MACF1: variants seen among roughly 807,000 people sequenced by gnomAD.
MACF1 encodes the protein microtubule-actin cross-linking factor 1.
Under a neutral mutation model 854.8 loss-of-function variants are expected in MACF1, and 193 were observed. That is an observed-to-expected ratio of 0.23 (90% CI 0.20 to 0.25). The LOEUF (loss-of-function observed/expected upper bound fraction) is 0.25. Among genes scored for constraint, MACF1 ranks in the 10% least tolerant of loss-of-function variants. MACF1 has a pLI of 1.00. For missense variants in MACF1, 7,722 were observed against 8,929.1 expected, an observed-to-expected ratio of 0.86 and a Z score of 5.45; for synonymous variants, 3,185 against 3,226.7, an observed-to-expected ratio of 0.99 and a Z score of 0.44.
At chr1:39,445,347 G>C (rs1285286578) in intron 80 of MACF1, among the ~76,000 whole-genome samples, 2 of 152,130 alleles carry the variant, frequency 1.3e-5, no homozygotes, top group Non-Finnish European at 2.9e-5. Context: ...CAAGGTGTTT[G>C]CCCAAAAAGA....
intron 71 of MACF1, 71 bp from the exon 72 acceptor site, chr1:39,439,203 G>A: frequency 1.3e-6 from 1 of 797,834 alleles, no homozygotes; most frequent in African/African-American, 1.7e-5. Context: ...GAGTTACATG[G>A]AATTTCTGAA....
intron 2 of MACF1, among the ~76,000 whole-genome samples, chr1:39,118,514 A>G (rs146808763): frequency 6.6e-6 from 1 of 152,382 alleles, no homozygotes; most frequent in African/African-American, 2.4e-5. Flanking sequence ...AGAATGAGGA[A>G]CTGCCAAAGG....
In MACF1 at chr1:39,333,023, G is replaced by A. The variant is rs747252257; in HGVS notation, c.6435G>A (p.Val2145=). ...CTGAGGCGGAAGGTGTGCCGTTGGTGGTTGACAAAGATGTTTTTTCTGTTG... is the reference window on the plus strand; with the variant it reads ...CTGAGGCGGAAGGTGTGCCGTTGGTAGTTGACAAAGATGTTTTTTCTGTTG... ...PPAEAEGVPL[V]VDKDVFSVET... Residue 2145 remains valine, a synonymous_variant, in exon 37 of 101, where the codon GTG becomes GTA. Transcript: ENST00000564288. 1.2e-6 allele frequency: 2 copies of A among 1,614,036 alleles called. No individual in the cohort carries two copies. Among genetic ancestry groups the A allele is most frequent in the Non-Finnish European group, 1.7e-6 (2 of 1,180,018 alleles).
intron 2 of MACF1, among the ~76,000 whole-genome samples, chr1:39,155,343 GT>G (rs1357974411): frequency 2.0e-5 from 3 of 152,200 alleles, no homozygotes; most frequent in African/African-American, 7.2e-5. Flanking sequence ...AGTTCAAGTG[GT>G]TAAGTCAGTT....
rs779245328 is a variant in MACF1, at chr1:39,317,331, GATTTGGAGCGCT to G, written c.3709_3720del (p.Leu1237_Tyr1240del). 3 of 1,613,932 alleles carry G rather than the reference GATTTGGAGCGCT, an allele frequency of 1.9e-6. No homozygotes were observed. Among genetic ancestry groups the G allele is most frequent in the Non-Finnish European group, 8.5e-7 (1 of 1,180,000 alleles). ...TCGTCTGACACCAGAGCGAAATCTG[GATTTGGAGCGCT>G]ATCAGGAAAAAGGCTCCCAGCTGCA... On this transcript the variant is annotated inframe_deletion, in exon 29 of 101. Transcript: ENST00000564288.
upstream of MACF1, among the ~76,000 whole-genome samples, chr1:39,202,432 C>T (rs1380195345): frequency 2.0e-5 from 3 of 151,294 alleles, no homozygotes; most frequent in East Asian, 2.0e-4. Context: ...GTCAGGAGTT[C>T]GAGACCAGCC....
chr1:39,412,746 G>T (rs1288643171), intron 58 of MACF1: 2 of 1,613,410 alleles, frequency 1.2e-6, no homozygotes, highest in Non-Finnish European at 1.7e-6. Context: ...TAGAGGAATG[G>T]ATACCCGTCC....
At chr1:39,452,513 TAATG>T (rs1449858051) in intron 86 of MACF1, 163 bp downstream of exon 86, 11 of 1,130,182 alleles carry the variant, frequency 9.7e-6, no homozygotes, top group Non-Finnish European at 1.3e-5. Context: ...TTTTGAGAAA[TAATG>T]AATTCAGTTG....
intron 35 of MACF1, among the ~76,000 whole-genome samples, chr1:39,326,862 G>C: frequency 6.6e-6 from 1 of 151,964 alleles, no homozygotes; most frequent in East Asian, 1.9e-4. Context: ...AAGGAGTAAA[G>C]AAAGATAAAA....
chr1:39,307,817 C>G (rs1185632592), intron 23 of MACF1, among the ~76,000 whole-genome samples: 4 of 151,732 alleles, frequency 2.6e-5, no homozygotes, highest in Non-Finnish European at 4.4e-5. Context: ...CGTGGTTCAC[C>G]TGCCTTAGCC....
intron 31 of MACF1, 140 bp downstream of exon 31, chr1:39,319,887 T>G: frequency 1.7e-6 from 1 of 597,094 alleles, no homozygotes; most frequent in Non-Finnish European, 2.9e-6. Context: ...GTTAAGCAGA[T>G]GTGTATTTCC....
intron 2 of MACF1, among the ~76,000 whole-genome samples, chr1:39,129,777 C>T (rs2148169144): frequency 6.6e-6 from 1 of 152,328 alleles, no homozygotes; most frequent in Middle Eastern, 3.4e-3. Context: ...TCCTATCACA[C>T]ACACATTATT....
Position 39,283,989 on chromosome 1 carries a change from G to A in MACF1, c.916-77G>A, listed in dbSNP as rs1329954391. ...GGAAATGGATTTTATATAGTTTGGA[G>A]TGGCCTGAGCTACTTTCTCTTGTGC... On this transcript the variant is annotated intron_variant, in intron 9 of 100. Coordinates refer to ENST00000564288, the MANE Select transcript of MACF1 (RefSeq NM_001394062.1). The surrounding 1 kb of genome is among the most constrained non-coding windows in gnomAD (Gnocchi z 4.5). The A allele has an allele frequency of 2.0e-6, 3 of 1,500,482 alleles. No homozygotes were observed. Among genetic ancestry groups the A allele is most frequent in the African/African-American group, 2.8e-5 (2 of 71,742 alleles). The allele number at this position is 1,500,482 out of a possible 1,614,324, so 92.9% of individuals were successfully genotyped here.
chr1:39,132,812 G>A (rs1643036702), intron 2 of MACF1, among the ~76,000 whole-genome samples: 1 of 152,172 alleles, frequency 6.6e-6, no homozygotes, highest in South Asian at 2.1e-4. Flanking sequence ...TTTCATTTGA[G>A]GAATTCAAAG....
chr1:39,372,662 C>A, intron 52 of MACF1, 66 bp downstream of exon 52: 1 of 1,001,128 alleles, frequency 1.0e-6, no homozygotes, highest in Non-Finnish European at 1.6e-6. Flanking sequence ...TTTGGAGATG[C>A]CTCCTTATAT....
Position 39,084,296 on chromosome 1 carries a change from C to T in MACF1, c.78C>T (p.Tyr26=). 1.2e-6 allele frequency: 2 copies of T among 1,613,296 alleles called. No homozygotes were observed. The highest frequency in any genetic ancestry group is 1.7e-6 in the Non-Finnish European group (2 of 1,179,712). The stretch of plus-strand genomic sequence containing the variant: ...GGTCTTGTCGGAGTGAGCGATCTTA[C>T]AGGAGCGAGCGGTCGGGGAGCCTGT... The change falls in exon 2 of 94, where the codon TAC becomes TAT. Residue 26 remains tyrosine, a synonymous_variant. Transcript: ENST00000361689. This position sits in a 1 kb window ranked among gnomAD's most constrained non-coding sequence, Gnocchi z 5.2.
chr1:39,428,614 G>A (rs756893769), intron 63 of MACF1, among the ~76,000 whole-genome samples: 1 of 152,180 alleles, frequency 6.6e-6, no homozygotes, highest in East Asian at 1.9e-4. Flanking sequence ...GAAAGATAAT[G>A]TGCTTTAACA....
intron 58 of MACF1, chr1:39,410,710 G>A (rs763867200): frequency 6.2e-7 from 1 of 1,613,930 alleles, no homozygotes; most frequent in South Asian, 1.1e-5. Flanking sequence ...AGAGAGGATA[G>A]AAGCTTCTCT....
chr1:39,317,196 G>GTACTTATGTTTCCA lies in MACF1; in HGVS notation c.3589-17_3589-4dup. On this transcript the variant is annotated splice_polypyrimidine_tract_variant and intron_variant, in intron 28 of 100. Coordinates refer to ENST00000564288, the MANE Select transcript of MACF1 (RefSeq NM_001394062.1). ...CATGGAAAGTATACAACCTGTTTCT[G>GTACTTATGTTTCCA]TACTTATGTTTCCACAGCACTGGCT... The GTACTTATGTTTCCA allele has an allele frequency of 2.5e-6, 4 of 1,611,070 alleles. No homozygotes were observed. The highest frequency in any genetic ancestry group is 3.4e-6 in the Non-Finnish European group (4 of 1,178,596).
Sources: allele counts gnomAD v4.1 joint callset (sites outside exome capture counted in the v4.1 genomes callset), GRCh38; gene constraint gnomAD v4.1.1; non-coding constraint Gnocchi (gnomAD v3.1); transcripts MANE v1.5; gene names NCBI Gene and HGNC (gene_info 2026-07-23, HGNC 2026-07-21).